The following ABCA13 variants were observed in gnomAD, a reference collection of about 807,000 sequenced individuals.
ABCA13 encodes the protein ATP-binding cassette sub-family A member 13.
In ABCA13, 476 loss-of-function variants were observed where a neutral mutation model predicts 478.7. That is an observed-to-expected ratio of 0.99 (90% CI 0.92 to 1.07). The LOEUF is 1.07. Among genes scored for constraint, ABCA13 ranks in the 50% least tolerant of loss-of-function variants. The pLI, the probability that ABCA13 is intolerant of heterozygous loss-of-function variation, is 0.00. For missense variants in ABCA13, 6,060 were observed against 5,910.6 expected, an observed-to-expected ratio of 1.03 and a Z score of -0.83; for synonymous variants, 2,252 against 2,158.9, an observed-to-expected ratio of 1.04 and a Z score of -1.20.
chr7:48,352,164 TC>T lies in ABCA13; in HGVS notation c.10382-15del, dbSNP rs1235407991. 2 of 1,591,262 alleles carry T rather than the reference TC, an allele frequency of 1.3e-6. No individual in the cohort carries two copies. Among genetic ancestry groups the T allele is most frequent in the Admixed American group, 3.4e-5 (2 of 59,070 alleles). ...CTACAGTGTGGTAATGCTTCGTTTT[TC>T]CTTTTCTGCCACTAGGTATCATTTT... On this transcript the variant is annotated splice_polypyrimidine_tract_variant and intron_variant, in intron 30 of 61. Transcript: ENST00000435803.
chr7:48,191,190 A>T (rs1230991314), intron 1 of ABCA13, among the ~76,000 whole-genome samples: 2 of 152,206 alleles, frequency 1.3e-5, no homozygotes, highest in East Asian at 3.9e-4. Flanking sequence ...GACCAAAATG[A>T]CTTAAATAAG....
At chr7:48,632,650 T>C in intron 59 of ABCA13, among the ~76,000 whole-genome samples, 1 of 152,194 alleles carries the variant, frequency 6.6e-6, no homozygotes, top group East Asian at 1.9e-4. Flanking sequence ...GTACTCACAA[T>C]AGGATATACC....
chr7:48,367,708 A>C, intron 31 of ABCA13, 86 bp from the exon 32 acceptor site: 1 of 1,019,442 alleles, frequency 9.8e-7, no homozygotes, highest in Non-Finnish European at 1.5e-6. Context: ...CTCCTGAAAG[A>C]GCTTTCTAAC....
chr7:48,285,447 G>T (rs144391939), intron 19 of ABCA13, among the ~76,000 whole-genome samples: 79 of 152,342 alleles, frequency 5.2e-4, no homozygotes, highest in African/African-American at 1.8e-3. Context: ...CGAGACAGTT[G>T]TCAAGTGTCC....
chr7:48,526,547 C>T (rs1256667456), intron 54 of ABCA13, among the ~76,000 whole-genome samples: 2 of 152,092 alleles, frequency 1.3e-5, no homozygotes, highest in Non-Finnish European at 2.9e-5. Flanking sequence ...AGAAATGTGT[C>T]ATTAGGTGAT....
At chr7:48,494,399 C>T (rs1473684397) in intron 48 of ABCA13, among the ~76,000 whole-genome samples, 1 of 152,148 alleles carries the variant, frequency 6.6e-6, no homozygotes, top group Non-Finnish European at 1.5e-5. Context: ...CATCCATAAC[C>T]TTCAACATGC....
Position 48,275,692 on chromosome 7 carries a change from T to C in ABCA13, c.6026T>C (p.Ile2009Thr). Residue 2009 changes from isoleucine to threonine, a missense_variant, in exon 17 of 62, where the codon ATT (isoleucine) becomes ACT (threonine). This residue lies in a region of ABCA13 where 4,423 missense variants were observed against 4,309.1 expected (regional missense o/e 1.03). Transcript: ENST00000435803. The stretch of plus-strand genomic sequence containing the variant: ...AATTTGGAAAGGACAGTACAATTGA[T>C]TTCTGAAGACTGGAGCCTAGAAAAA... ...SSNLERTVQL[I>T]SEDWSLEKST... The C allele has an allele frequency of 6.3e-7, 1 of 1,599,436 alleles. No individual in the cohort carries two copies. The highest frequency in any genetic ancestry group is 1.1e-5 in the South Asian group (1 of 89,200).
At chr7:48,485,076 A>G (rs759777766) in intron 47 of ABCA13, among the ~76,000 whole-genome samples, 24 of 152,202 alleles carry the variant, frequency 1.6e-4, no homozygotes, top group Non-Finnish European at 3.2e-4. Flanking sequence ...TATGAGTTCT[A>G]TCATTCACAT....
intron 27 of ABCA13, among the ~76,000 whole-genome samples, chr7:48,321,910 C>T (rs1247077556): frequency 1.3e-5 from 2 of 152,174 alleles, no homozygotes; most frequent in East Asian, 3.9e-4. Context: ...GGCCCTCCAC[C>T]CCTGACTGTC....
At chr7:48,554,677 A>G (rs1785612603) in intron 55 of ABCA13, among the ~76,000 whole-genome samples, 2 of 151,672 alleles carry the variant, frequency 1.3e-5, no homozygotes, top group Non-Finnish European at 3.0e-5. Context: ...TTGATTTTGT[A>G]TCTTGAAACT....
At chr7:48,319,661 T>C (rs1803127166) in intron 27 of ABCA13, among the ~76,000 whole-genome samples, 1 of 152,250 alleles carries the variant, frequency 6.6e-6, no homozygotes, top group South Asian at 2.1e-4. Flanking sequence ...TAATTTCATT[T>C]GGTTTAACTT....
At position 48,432,349 on chromosome 7, in the gene ABCA13, G is replaced by A. The variant is rs115050818; in HGVS notation, c.12565+4478G>A. Among the ~76,000 whole-genome samples the A allele has an allele frequency of 7.6e-3, 1,161 of 152,108 alleles. 23 individuals are homozygous for A. The highest frequency in any genetic ancestry group is 0.027 in the African/African-American group (1,106 of 41,532). ...ATGCTGGTGAGGTTGTCAAGAAAAAGGAACTCTTCCATACTGTTGGTGGGA... is the reference window on the plus strand; with the variant it reads ...ATGCTGGTGAGGTTGTCAAGAAAAAAGAACTCTTCCATACTGTTGGTGGGA... On this transcript the variant is annotated intron_variant, in intron 42 of 61. Coordinates refer to ENST00000435803, the MANE Select transcript of ABCA13 (RefSeq NM_152701.5).
intron 1 of ABCA13, among the ~76,000 whole-genome samples, chr7:48,174,260 G>A (rs968210219): frequency 4.6e-5 from 7 of 152,074 alleles, no homozygotes; most frequent in African/African-American, 1.7e-4. Flanking sequence ...ATTTGTTGTA[G>A]GAAGGAAGCT....
At chr7:48,251,302 C>T (rs1423031808) in intron 15 of ABCA13, among the ~76,000 whole-genome samples, 1 of 152,192 alleles carries the variant, frequency 6.6e-6, no homozygotes, top group African/African-American at 2.4e-5. Flanking sequence ...ATAGTGGCAA[C>T]AGGCTTGTGG....
At chr7:48,248,953 CTT>C (rs372684070) in intron 14 of ABCA13, among the ~76,000 whole-genome samples, 1 of 152,014 alleles carries the variant, frequency 6.6e-6, no homozygotes, top group African/African-American at 2.4e-5. Context: ...TAATTTTCCT[CTT>C]TTTTTGTCCT....
intron 55 of ABCA13, among the ~76,000 whole-genome samples, chr7:48,567,218 G>A (rs1015704222): frequency 5.3e-5 from 8 of 152,204 alleles, no homozygotes; most frequent in African/African-American, 1.9e-4. Context: ...TGCTTTGAAG[G>A]CAGAAAGACC....
At position 48,274,750 on chromosome 7, in the gene ABCA13, A is replaced by G. The variant is rs1222725933; in HGVS notation, c.5084A>G (p.Asn1695Ser). Residue 1695 changes from asparagine to serine, a missense_variant, in exon 17 of 62, where the codon AAT becomes AGT. Asn to Ser is a conservative substitution (Grantham distance 46). Transcript: ENST00000435803. ...GTAAACCTAATGGATTTCTTTAAGA[A>G]TATCAGTAGTGTGGGAACTGGCAAT... ...VSVNLMDFFK[N>S]ISSVGTGNLV... 6 of 1,614,014 alleles carry G rather than the reference A, an allele frequency of 3.7e-6. No homozygotes were observed. Among genetic ancestry groups the G allele is most frequent in the Non-Finnish European group, 5.1e-6 (6 of 1,179,864 alleles).
chr7:48,223,080 AAG>A (rs1294539526), intron 5 of ABCA13, among the ~76,000 whole-genome samples: 5 of 152,160 alleles, frequency 3.3e-5, no homozygotes, highest in South Asian at 4.1e-4. Flanking sequence ...TTATGAGAGA[AAG>A]AGAAGAATCA....
chr7:48,458,720 A>G (rs2129874407), intron 43 of ABCA13, among the ~76,000 whole-genome samples: 1 of 152,316 alleles, frequency 6.6e-6, no homozygotes, highest in East Asian at 1.9e-4. Flanking sequence ...GAATCCTTCT[A>G]CAAATGAAGG....
Sources: gnomAD v4.1 joint callset for allele counts (sites outside exome capture counted in the v4.1 genomes callset) on GRCh38, gnomAD v4.1.1 for gene constraint, gnomAD v4.1.1 regional missense constraint, MANE v1.5 for transcripts, NCBI Gene and HGNC (gene_info 2026-07-23, HGNC 2026-07-21) for gene names.